The following ADAM23 variants were observed in gnomAD, a reference collection of about 807,000 sequenced individuals.
The protein encoded by ADAM23 is ADAM metallopeptidase domain 23.
In ADAM23, 33 loss-of-function variants were observed where a neutral mutation model predicts 120.1. The ratio of observed to expected loss-of-function variants is 0.27; its 90% CI spans 0.21 to 0.37. ADAM23 has a LOEUF of 0.37. Ranked by LOEUF, ADAM23 falls within the 10% of genes least tolerant of loss-of-function variation. The pLI is 1.00. For synonymous variants in ADAM23, 367 were observed against 375.2 expected (o/e 0.98, Z 0.25); for missense variants, 862 against 1,058.2 (o/e 0.81, Z 2.57).
At chr2:206,541,964 C>T (rs753679757) in intron 4 of ADAM23, 88 bp from the exon 5 acceptor site, 2 of 1,326,698 alleles carry the variant, frequency 1.5e-6, no homozygotes, top group Admixed American at 1.7e-5. Context: ...ATATGCCCAT[C>T]CTTGCATTTC....
chr2:206,570,902 G>A (rs781080687), intron 16 of ADAM23, 91 bp downstream of exon 16: 4 of 1,095,714 alleles, frequency 3.7e-6, no homozygotes, highest in Non-Finnish European at 5.5e-6. Context: ...CATTGATTGT[G>A]GTCTTACTGC....
rs142424501 is a variant in ADAM23, at chr2:206,446,363, G to A, written c.432+839G>A. On this transcript the variant is annotated intron_variant, in intron 2 of 25. Transcript: ENST00000264377. ...ATTATCGGTTCTTCTGTTGTTTATC[G>A]GGAGCAGAAAATAGAGTCTGTATGT... 3.6e-4 allele frequency among the ~76,000 whole-genome samples: 55 copies of A among 152,240 alleles called. 1 individual carries two copies. The highest frequency in any genetic ancestry group is 1.5e-3 in the South Asian group (7 of 4,810).
chr2:206,579,619 T>G (rs1157907734), intron 18 of ADAM23, among the ~76,000 whole-genome samples: 1 of 152,208 alleles, frequency 6.6e-6, no homozygotes, highest in East Asian at 1.9e-4. Flanking sequence ...CCATGCTGTT[T>G]TGGTGACTAT....
intron 3 of ADAM23, among the ~76,000 whole-genome samples, chr2:206,498,676 T>C (rs372529863): frequency 1.3e-4 from 19 of 151,906 alleles, no homozygotes; most frequent in Middle Eastern, 3.2e-3. Context: ...TAAAGAGCTT[T>C]TGCACAGCAA....
At chr2:206,579,381 T>A (rs1385366491) in intron 18 of ADAM23, among the ~76,000 whole-genome samples, 1 of 152,234 alleles carries the variant, frequency 6.6e-6, no homozygotes, top group Non-Finnish European at 1.5e-5. Flanking sequence ...TAGGTTTAAG[T>A]CCTTAATCCA....
chr2:206,462,608 GC>G (rs1431730962), intron 2 of ADAM23, among the ~76,000 whole-genome samples: 2 of 152,128 alleles, frequency 1.3e-5, no homozygotes, highest in African/African-American at 4.8e-5. Flanking sequence ...GTTGTCTTCT[GC>G]CCCTGGGGAG....
intron 4 of ADAM23, among the ~76,000 whole-genome samples, chr2:206,532,327 T>C (rs1697081389): frequency 6.9e-6 from 1 of 145,084 alleles, no homozygotes; most frequent in African/African-American, 2.5e-5. Context: ...CTTAGTTACT[T>C]TTTTTTTTTT....
At chr2:206,530,669 C>CT (rs56206262) in intron 3 of ADAM23, among the ~76,000 whole-genome samples, 9,215 of 74,960 alleles carry the variant, frequency 0.12, 789 homozygotes, top group Non-Finnish European at 0.13. Flanking sequence ...TGTGTCTTGT[C>CT]TTTTTTTTTT....
At position 206,567,247 on chromosome 2, in the gene ADAM23, A is replaced by G; in HGVS notation, c.1419A>G (p.Ser473=). ...ETGVSHSRKF[S]KCSILEYRDF... is the part of the protein sequence containing the mutation. ...GGGTGTCCCATTCTCGAAAATTTTCAAAGTGCAGCATTTTGGAGTATAGAG... is the reference window on the plus strand; with the variant it reads ...GGGTGTCCCATTCTCGAAAATTTTCGAAGTGCAGCATTTTGGAGTATAGAG... The change falls in exon 15 of 26, where the codon TCA becomes TCG. Residue 473 remains serine (S), a synonymous_variant. Coordinates refer to ENST00000264377, the MANE Select transcript of ADAM23 (RefSeq NM_003812.4). 6.2e-7 allele frequency: 1 copy of G among 1,613,752 alleles called. No individual in the cohort carries two copies. Among genetic ancestry groups the G allele is most frequent in the Non-Finnish European group, 8.5e-7 (1 of 1,179,768 alleles).
At chr2:206,556,451 A>T (rs1697643932) in intron 9 of ADAM23, among the ~76,000 whole-genome samples, 1 of 152,164 alleles carries the variant, frequency 6.6e-6, no homozygotes, top group Non-Finnish European at 1.5e-5. Flanking sequence ...TTATAATTGA[A>T]GGTAAATTTC....
At chr2:206,600,009 G>C (rs1462000128) in intron 24 of ADAM23, among the ~76,000 whole-genome samples, 1 of 152,180 alleles carries the variant, frequency 6.6e-6, no homozygotes, top group Non-Finnish European at 1.5e-5. Flanking sequence ...AGACCATCCT[G>C]GCTAACACAG....
chr2:206,587,955 TACTGG>T, intron 19 of ADAM23, 131 bp from the exon 20 acceptor site: 1 of 804,154 alleles, frequency 1.2e-6, no homozygotes, highest in South Asian at 1.7e-5. Flanking sequence ...TTGTGATCCT[TACTGG>T]TCACTATAAA....
intron 9 of ADAM23, among the ~76,000 whole-genome samples, chr2:206,554,975 G>A (rs960429959): frequency 1.3e-5 from 2 of 152,006 alleles, no homozygotes; most frequent in African/African-American, 4.8e-5. Context: ...CACCTCACTG[G>A]CTATTTCTTC....
At chr2:206,525,386 A>G (rs1696923049) in intron 3 of ADAM23, among the ~76,000 whole-genome samples, 1 of 152,176 alleles carries the variant, frequency 6.6e-6, no homozygotes. Flanking sequence ...ACTTTTTACA[A>G]TGAAGTAAAT....
intron 2 of ADAM23, among the ~76,000 whole-genome samples, chr2:206,447,140 T>C (rs1400196407): frequency 6.6e-6 from 1 of 152,202 alleles, no homozygotes; most frequent in African/African-American, 2.4e-5. Flanking sequence ...TGCCTTATAG[T>C]TTAACCTTAT....
chr2:206,495,840 G>A (rs1696233783), intron 3 of ADAM23, among the ~76,000 whole-genome samples: 1 of 152,016 alleles, frequency 6.6e-6, no homozygotes, highest in African/African-American at 2.4e-5. Flanking sequence ...AAAAAGGCAG[G>A]GGTTGCAATC....
intron 1 of ADAM23, among the ~76,000 whole-genome samples, chr2:206,445,026 A>C (rs1046099994): frequency 6.2e-5 from 9 of 144,984 alleles, no homozygotes; most frequent in African/African-American, 2.3e-4. Context: ...AGAAGTATAG[A>C]TTTGAGTCTG....
At chr2:206,456,898 C>T (rs1026531813) in intron 2 of ADAM23, among the ~76,000 whole-genome samples, 8 of 152,150 alleles carry the variant, frequency 5.3e-5, no homozygotes, top group Non-Finnish European at 1.2e-4. Flanking sequence ...CCTCCTTTCC[C>T]TTAGTGTGGT....
chr2:206,481,514 C>A (rs12694056), intron 3 of ADAM23, among the ~76,000 whole-genome samples: 117,674 of 152,104 alleles, frequency 0.77, 45,775 homozygotes, highest in Admixed American at 0.82. Context: ...CATCTCAAAC[C>A]CAGCACTTAC....
Sources: allele counts gnomAD v4.1 joint callset (sites outside exome capture counted in the v4.1 genomes callset), GRCh38; gene constraint gnomAD v4.1.1; transcripts MANE v1.5; gene names NCBI Gene and HGNC (gene_info 2026-07-23, HGNC 2026-07-21).